The following MOXD1 variants were observed in gnomAD, a reference collection of about 807,000 sequenced individuals.
The protein encoded by MOXD1 is monooxygenase DBH like 1.
MOXD1 carries 62 observed loss-of-function variants against 66.6 expected under a neutral mutation model. The observed-to-expected ratio is 0.93, with a 90% CI of 0.76 to 1.15. The LOEUF (loss-of-function observed/expected upper bound fraction) is 1.15, where lower values mean the gene tolerates loss of function less well. MOXD1 is among the 50% of genes most tolerant of loss of function. The pLI is 0.00. For missense variants in MOXD1, 847 were observed against 754.6 expected (o/e 1.12, Z -1.44); for synonymous variants, 303 against 281.9 (o/e 1.07, Z -0.75).
At chr6:132,343,524 G>A (rs7771227) in intron 4 of MOXD1, among the ~76,000 whole-genome samples, 8,685 of 151,682 alleles carry the variant, frequency 0.057, 463 homozygotes, top group African/African-American at 0.14. Flanking sequence ...GCAGTGAGCC[G>A]AAATTGCACC....
chr6:132,384,084 A>G (rs1019611919), intron 1 of MOXD1, among the ~76,000 whole-genome samples: 2 of 152,134 alleles, frequency 1.3e-5, no homozygotes, highest in African/African-American at 4.8e-5. Context: ...AAAATGAATT[A>G]TCTTAACTGG....
At chr6:132,369,997 C>T (rs940802607) in intron 4 of MOXD1, among the ~76,000 whole-genome samples, 1 of 152,106 alleles carries the variant, frequency 6.6e-6, no homozygotes, top group Non-Finnish European at 1.5e-5. Context: ...ACTGACTTCT[C>T]ACAATTCAAC....
intron 4 of MOXD1, among the ~76,000 whole-genome samples, chr6:132,356,065 T>C (rs1356534950): frequency 1.3e-5 from 2 of 152,154 alleles, no homozygotes; most frequent in African/African-American, 4.8e-5. Context: ...GTCAGCAAAC[T>C]GGTGACCTCT....
At chr6:132,327,073 C>T (rs956525958) in intron 6 of MOXD1, among the ~76,000 whole-genome samples, 1 of 152,168 alleles carries the variant, frequency 6.6e-6, no homozygotes, top group East Asian at 1.9e-4. Flanking sequence ...GGTTCATCAG[C>T]ATCTTTCTTC....
intron 4 of MOXD1, among the ~76,000 whole-genome samples, chr6:132,352,877 T>C (rs1026603168): frequency 6.6e-6 from 1 of 152,206 alleles, no homozygotes; most frequent in Non-Finnish European, 1.5e-5. Context: ...CTTTTAACAT[T>C]ATTTAATATC....
Position 132,297,050 on chromosome 6 carries a change from G to C in MOXD1, c.*103C>G, listed in dbSNP as rs912953853. On this transcript the variant is annotated 3_prime_UTR_variant, in exon 12 of 12. Coordinates refer to ENST00000367963, the MANE Select transcript of MOXD1 (RefSeq NM_015529.4). ...GAGGGAGGGAAAATGGGGAAGAAAA[G>C]TCTCCACACTCTTCATGCCCAAAGT... is the stretch of plus-strand genomic sequence containing the variant. The C allele has an allele frequency of 8.2e-7, 1 of 1,216,300 alleles. No individual in the cohort carries two copies. Among genetic ancestry groups the C allele is most frequent in the Non-Finnish European group, 1.1e-6 (1 of 871,470 alleles). The allele number at this position is 1,216,300 out of a possible 1,614,324, so 75.3% of individuals were successfully genotyped here. A position where few individuals can be genotyped will look rare whatever the true frequency, so the allele number is the denominator to read the frequency against.
intron 4 of MOXD1, among the ~76,000 whole-genome samples, chr6:132,344,818 T>C (rs561599567): frequency 6.6e-6 from 1 of 152,158 alleles, no homozygotes; most frequent in Non-Finnish European, 1.5e-5. Flanking sequence ...TACCCAACTT[T>C]GGGTAAATAG....
intron 9 of MOXD1, 40 bp from the exon 10 acceptor site, chr6:132,315,817 C>T: frequency 1.9e-6 from 3 of 1,595,530 alleles, no homozygotes; most frequent in Non-Finnish European, 2.6e-6. Context: ...ATGTGTTCTA[C>T]CAACTTTGAC....
chr6:132,341,807 G>A (rs1160184767), intron 4 of MOXD1, among the ~76,000 whole-genome samples: 4 of 152,244 alleles, frequency 2.6e-5, no homozygotes, highest in Admixed American at 2.6e-4. Context: ...TTCCCTGGAT[G>A]CTTATGTGAT....
At chr6:132,359,478 TTTTC>T (rs918320996) in intron 4 of MOXD1, among the ~76,000 whole-genome samples, 1 of 148,900 alleles carries the variant, frequency 6.7e-6, no homozygotes, top group African/African-American at 2.5e-5. Flanking sequence ...AGAGTTTTTT[TTTTC>T]TTTTTCTTTT....
intron 2 of MOXD1, 68 bp downstream of exon 2, chr6:132,374,563 C>G (rs1776336644): frequency 2.2e-6 from 3 of 1,384,034 alleles, no homozygotes; most frequent in Non-Finnish European, 3.0e-6. Context: ...TTCTCTTATT[C>G]TTTAAAGTGC....
At position 132,312,799 on chromosome 6, in the gene MOXD1, T is replaced by C. The variant is rs145853848; in HGVS notation, c.1508+2836A>G. Among the ~76,000 whole-genome samples the C allele has an allele frequency of 2.7e-3, 405 of 151,598 alleles. 3 individuals carry two copies. The highest frequency in any genetic ancestry group is 9.4e-3 in the African/African-American group (389 of 41,326). On this transcript the variant is annotated intron_variant, in intron 10 of 11. Coordinates refer to ENST00000367963, the MANE Select transcript of MOXD1 (RefSeq NM_015529.4). ...GAACATTTTTAGAGGCTTCATACCA[T>C]TTAAACTTAAAAAAAAAAAATAGGC...
chr6:132,397,656 A>C (rs868651525), intron 1 of MOXD1, among the ~76,000 whole-genome samples: 332 of 127,784 alleles, frequency 2.6e-3, no homozygotes, highest in Non-Finnish European at 4.4e-3. Flanking sequence ...GAAAGAAAGA[A>C]AGAAAGAAAG....
At chr6:132,303,094 G>GA (rs57135850) in intron 10 of MOXD1, among the ~76,000 whole-genome samples, 77,501 of 151,846 alleles carry the variant, frequency 0.51, 23,495 homozygotes, top group African/African-American at 0.84. Flanking sequence ...TTTTCAGGGG[G>GA]AAAACAAGAG....
At chr6:132,354,292 G>A (rs889020167) in intron 4 of MOXD1, among the ~76,000 whole-genome samples, 1 of 152,184 alleles carries the variant, frequency 6.6e-6, no homozygotes, top group Admixed American at 6.5e-5. Flanking sequence ...CTCTGTCAGA[G>A]GAAAAGTCTA....
At chr6:132,354,210 T>G (rs982674613) in intron 4 of MOXD1, among the ~76,000 whole-genome samples, 1 of 152,180 alleles carries the variant, frequency 6.6e-6, no homozygotes, top group Non-Finnish European at 1.5e-5. Context: ...TGTGATTTTT[T>G]GGGGGTGTTA....
In MOXD1 at chr6:132,401,365, G is replaced by T; in HGVS notation, c.62C>A (p.Ser21Ter). ...GGTCCGGTGCGGATAGGTTCGGCCCGAGCCCCCCGCCGCCGTCCCGGGGAG... is the reference window on the plus strand; with the variant it reads ...GGTCCGGTGCGGATAGGTTCGGCCCTAGCCCCCCGCCGCCGTCCCGGGGAG... The part of the protein sequence containing the change: ...GLLPGTAAGG[S>*]GRTYPHRTLL... Residue 21 changes from serine to a stop codon, truncating the protein, a stop_gained, in exon 1 of 12, where the codon TCG becomes TAG. Transcript: ENST00000367963. LOFTEE classifies it high-confidence loss of function. The T allele has an allele frequency of 6.4e-7, 1 of 1,551,146 alleles. No homozygotes were observed.
chr6:132,391,869 C>A (rs1156486741), intron 1 of MOXD1: 1 of 194,136 alleles, frequency 5.2e-6, no homozygotes, highest in Non-Finnish European at 1.0e-5. Flanking sequence ...ATCATCTGCT[C>A]CGCCAGGAAG....
At chr6:132,385,875 G>A (rs562642976) in intron 1 of MOXD1, among the ~76,000 whole-genome samples, 4 of 151,814 alleles carry the variant, frequency 2.6e-5, no homozygotes, top group Non-Finnish European at 5.9e-5. Context: ...AGGCTGAGGC[G>A]GGCGGATCAC....
Sources: allele counts gnomAD v4.1 joint callset (sites outside exome capture counted in the v4.1 genomes callset), GRCh38; gene constraint gnomAD v4.1.1; transcripts MANE v1.5; gene names NCBI Gene and HGNC (gene_info 2026-07-23, HGNC 2026-07-21).